The following GALM variants were observed in gnomAD, a reference collection of about 807,000 sequenced individuals.
GALM encodes the protein galactose mutarotase.
GALM carries 43 observed loss-of-function variants against 37.4 expected under a neutral mutation model. The ratio of observed to expected loss-of-function variants is 1.15; its 90% CI spans 0.90 to 1.48. GALM has a LOEUF of 1.48. Ranked by LOEUF, GALM falls within the 40% of genes most tolerant of loss-of-function variation. The pLI is 0.00. For missense variants in GALM, 456 were observed against 419.1 expected (o/e 1.09, Z -0.77); for synonymous variants, 199 against 170.6 (o/e 1.17, Z -1.30).
chr2:38,681,925 C>T (rs139060008), intron 3 of GALM, among the ~76,000 whole-genome samples: 1 of 152,248 alleles, frequency 6.6e-6, no homozygotes, highest in East Asian at 1.9e-4. Flanking sequence ...CCTGCCAGCT[C>T]CTCCCAGGGG....
At chr2:38,667,957 C>T (rs1664999124) in intron 1 of GALM, among the ~76,000 whole-genome samples, 1 of 152,222 alleles carries the variant, frequency 6.6e-6, no homozygotes, top group Non-Finnish European at 1.5e-5. Flanking sequence ...AGAAATGCTG[C>T]ATGGGGAGGC....
rs1558577550 is a variant in GALM at position 38,675,529 on chromosome 2, TTTTTTTTTTTTTTTTGTG to T, written c.191-381_191-364del. On this transcript the variant is annotated intron_variant, in intron 1 of 6. Transcript: ENST00000272252. ...CCTTTGGATTGAGGGTTTTTTTGTT[TTTTTTTTTTTTTTTTGTG>T]TGTGTGTGTGTGTGTGTGTGTGTGT... 6.1e-4 allele frequency among the ~76,000 whole-genome samples: 47 copies of T among 76,894 alleles called. No individual in the cohort carries two copies. In the East Asian group the frequency reaches 0.018, roughly 29 times the overall value. 50.4% of individuals were successfully genotyped at this position (76,894 alleles called of 152,430 possible).
intron 2 of GALM, among the ~76,000 whole-genome samples, chr2:38,677,999 G>A (rs1665301027): frequency 6.6e-6 from 1 of 151,216 alleles, no homozygotes; most frequent in African/African-American, 2.4e-5. Flanking sequence ...TGAGAGGGGT[G>A]GGGAAAGACT....
At chr2:38,682,416 T>A in intron 3 of GALM, 1 of 261,174 alleles carries the variant, frequency 3.8e-6, no homozygotes, top group Admixed American at 3.4e-5. Flanking sequence ...AGTCAGCTAG[T>A]AATATCTCAC....
chr2:38,675,540 TTTTTGTGTGTGTG>T (rs1486065364), intron 1 of GALM, among the ~76,000 whole-genome samples: 1 of 93,214 alleles, frequency 1.1e-5, no homozygotes, highest in Admixed American at 1.2e-4. Flanking sequence ...TTTTTTTTTT[TTTTTGTGTGTGTG>T]TGTGTGTGTG....
At chr2:38,684,821 A>G (rs1665483534) in intron 3 of GALM, among the ~76,000 whole-genome samples, 1 of 151,484 alleles carries the variant, frequency 6.6e-6, no homozygotes, top group Non-Finnish European at 1.5e-5. Context: ...AACAATAAAA[A>G]CAAACAAACA....
intron 1 of GALM, among the ~76,000 whole-genome samples, chr2:38,667,949 A>G (rs13387464): frequency 0.24 from 36,373 of 152,154 alleles, 6,468 homozygotes; most frequent in African/African-American, 0.49. Context: ...CCGGAGGAAG[A>G]AATGCTGCAT....
At chr2:38,703,054 T>TATATATATATATATA (rs1665951434) in intron 4 of GALM, among the ~76,000 whole-genome samples, 6 of 13,944 alleles carry the variant, frequency 4.3e-4, no homozygotes, top group African/African-American at 1.2e-3. Flanking sequence ...ATGTGGGATT[T>TATATATATATATATA]TATATATATA....
intron 4 of GALM, among the ~76,000 whole-genome samples, chr2:38,728,403 A>AC (rs1161199557): frequency 6.8e-6 from 1 of 146,614 alleles, no homozygotes; most frequent in South Asian, 2.1e-4. Context: ...AAAAAAAAAA[A>AC]ACTTTTTTTT....
At chr2:38,723,020 C>T in intron 4 of GALM, among the ~76,000 whole-genome samples, 1 of 152,196 alleles carries the variant, frequency 6.6e-6, no homozygotes, top group East Asian at 1.9e-4. Flanking sequence ...CCAGATGCTA[C>T]AATATACACA....
chr2:38,700,245 C>T (rs1308374329), intron 4 of GALM, among the ~76,000 whole-genome samples: 1 of 152,192 alleles, frequency 6.6e-6, no homozygotes, highest in Non-Finnish European at 1.5e-5. Flanking sequence ...AACCACCGCG[C>T]TCAGCCTAAA....
chr2:38,717,546 ACAC>A (rs1221211935), intron 4 of GALM, among the ~76,000 whole-genome samples: 2 of 151,788 alleles, frequency 1.3e-5, no homozygotes, highest in African/African-American at 4.8e-5. Flanking sequence ...TTACAGGTGC[ACAC>A]CACCATGCCT....
chr2:38,671,494 A>T (rs1665098454), intron 1 of GALM: 1 of 152,216 alleles, frequency 6.6e-6, no homozygotes, highest in African/African-American at 2.4e-5. Context: ...AGCTCTCGTG[A>T]GAACTCACTG....
chr2:38,677,278 G>A (rs1006701587), intron 2 of GALM, among the ~76,000 whole-genome samples: 1 of 152,178 alleles, frequency 6.6e-6, no homozygotes, highest in Admixed American at 6.5e-5. Context: ...AGCCAGAGAA[G>A]AGCCAGAGAA....
At chr2:38,689,407 G>A (rs1665618080) in intron 3 of GALM, among the ~76,000 whole-genome samples, 1 of 152,206 alleles carries the variant, frequency 6.6e-6, no homozygotes, top group Admixed American at 6.5e-5. Flanking sequence ...ACCCCCAGGA[G>A]TGAGCCTGGA....
intron 3 of GALM, among the ~76,000 whole-genome samples, chr2:38,686,753 C>G (rs1434845226): frequency 6.6e-6 from 1 of 152,088 alleles, no homozygotes; most frequent in East Asian, 1.9e-4. Flanking sequence ...TAACAAGGCA[C>G]CAAAGAATAT....
intron 4 of GALM, among the ~76,000 whole-genome samples, chr2:38,704,135 T>G (rs552858615): frequency 1.3e-3 from 195 of 152,054 alleles, no homozygotes; most frequent in African/African-American, 4.4e-3. Context: ...TTTCTTATCT[T>G]TTTTCCTCTT....
At chr2:38,726,266 G>A (rs1270422460) in intron 4 of GALM, among the ~76,000 whole-genome samples, 1 of 145,788 alleles carries the variant, frequency 6.9e-6, no homozygotes, top group South Asian at 2.2e-4. Flanking sequence ...TCGCTCTGTC[G>A]CCCAGGCTGG....
In GALM at chr2:38,686,603, A is replaced by G. The variant is rs569171072; in HGVS notation, c.553-3210A>G. The stretch of plus-strand genomic sequence containing the variant: ...TCTAAGCAGCTTTATTTATAATAGT[A>G]AAACACTGGAAGCAACCCAGAAGTC... On this transcript the variant is annotated intron_variant, in intron 3 of 6. Coordinates refer to ENST00000272252, the MANE Select transcript of GALM (RefSeq NM_138801.3). Among the ~76,000 whole-genome samples, 241 of 152,258 alleles carry G rather than the reference A, an allele frequency of 1.6e-3. 1 individual carries two copies. The highest frequency in any genetic ancestry group is 5.4e-3 in the African/African-American group (224 of 41,540).
Sources: gnomAD v4.1 joint callset for allele counts (sites outside exome capture counted in the v4.1 genomes callset) on GRCh38, gnomAD v4.1.1 for gene constraint, MANE v1.5 for transcripts, NCBI Gene and HGNC (gene_info 2026-07-23, HGNC 2026-07-21) for gene names.